Variants in CYP7B1 observed in about 807,000 individuals in gnomAD.
The protein encoded by CYP7B1 is cytochrome P450 7B1.
In CYP7B1, 29 loss-of-function variants were observed where a neutral mutation model predicts 42.7. That is an observed-to-expected ratio of 0.68 (90% confidence interval 0.51 to 0.93). The LOEUF (loss-of-function observed/expected upper bound fraction) is 0.93. Ranked by LOEUF, CYP7B1 falls within the 40% of genes least tolerant of loss-of-function variation. CYP7B1 has a pLI of 0.00. For synonymous variants in CYP7B1, 235 were observed against 218.2 expected (o/e 1.08, Z -0.68); for missense variants, 655 against 600.5 (o/e 1.09, Z -0.95).
chr8:64,682,719 T>C (rs566971549), intron 1 of CYP7B1, among the ~76,000 whole-genome samples: 5 of 152,342 alleles, frequency 3.3e-5, no homozygotes, highest in African/African-American at 1.2e-4. Flanking sequence ...CTGTCCAGGC[T>C]AGTTGCAACA....
At chr8:64,747,078 C>A (rs890578719) in intron 1 of CYP7B1, among the ~76,000 whole-genome samples, 1 of 150,390 alleles carries the variant, frequency 6.6e-6, no homozygotes, top group African/African-American at 2.4e-5. Context: ...ATTATAAATT[C>A]ATTGTGAATT....
At chr8:64,732,206 C>A (rs1807421820) in intron 1 of CYP7B1, among the ~76,000 whole-genome samples, 1 of 152,172 alleles carries the variant, frequency 6.6e-6, no homozygotes, top group Non-Finnish European at 1.5e-5. Context: ...TCAAGGCAAG[C>A]CTGTGAAAGC....
At chr8:64,600,133 G>A (rs537859278) in intron 5 of CYP7B1, among the ~76,000 whole-genome samples, 2 of 152,324 alleles carry the variant, frequency 1.3e-5, no homozygotes, top group South Asian at 2.1e-4. Flanking sequence ...AATATGTAGA[G>A]TATGATGAGT....
chr8:64,722,938 A>G (rs1281258006), intron 1 of CYP7B1, among the ~76,000 whole-genome samples: 3 of 152,148 alleles, frequency 2.0e-5, no homozygotes, highest in Non-Finnish European at 4.4e-5. Flanking sequence ...GCCCACATTC[A>G]AATCTGTAGC....
rs1467657190 is a variant in CYP7B1 at position 64,685,806 on chromosome 8, G to A, written c.123-61267C>T. ...GGTCAGCCCCCCCGCCCGGCCAGCC[G>A]TGCCATCCGGGAGGGAGGTGGGGGG... is the stretch of plus-strand genomic sequence containing the variant. On this transcript the variant is annotated intron_variant, in intron 1 of 5. Coordinates refer to ENST00000310193, the MANE Select transcript of CYP7B1 (RefSeq NM_004820.5). Among the ~76,000 whole-genome samples, 9 of 47,416 alleles carry A rather than the reference G, an allele frequency of 1.9e-4. 3 individuals carry two copies. Among genetic ancestry groups the A allele is most frequent in the Non-Finnish European group, 4.7e-4 (9 of 18,956 alleles). 31.1% of individuals were successfully genotyped at this position (47,416 alleles called of 152,430 possible).
Position 64,593,342 on chromosome 8 carries a change from T to C in CYP7B1, c.*3300A>G, listed in dbSNP as rs1805067419. On this transcript the variant is annotated 3_prime_UTR_variant, in exon 6 of 6. Coordinates refer to ENST00000310193, the MANE Select transcript of CYP7B1 (RefSeq NM_004820.5). ...TTGCAAAGACAACATACTCAATAGG[T>C]GAACTAGAAAGAAACTGTGCTCCAC... 6.7e-6 allele frequency among the ~76,000 whole-genome samples: 1 copy of C among 148,980 alleles called. No homozygotes were observed. The highest frequency in any genetic ancestry group is 1.5e-5 in the Non-Finnish European group (1 of 67,470).
At chr8:64,606,641 T>C (rs1278473158) in intron 4 of CYP7B1, among the ~76,000 whole-genome samples, 1 of 152,204 alleles carries the variant, frequency 6.6e-6, no homozygotes, top group Non-Finnish European at 1.5e-5. Context: ...GGCAAGCATA[T>C]CTTATGTAGA....
intron 2 of CYP7B1, among the ~76,000 whole-genome samples, chr8:64,622,805 T>C (rs189408462): frequency 4.3e-4 from 65 of 152,254 alleles, no homozygotes; most frequent in Non-Finnish European, 7.3e-4. Context: ...TGAACATTCT[T>C]TGAAATTGGA....
intron 1 of CYP7B1, among the ~76,000 whole-genome samples, chr8:64,786,111 A>G (rs1195626972): frequency 6.6e-6 from 1 of 152,124 alleles, no homozygotes; most frequent in Non-Finnish European, 1.5e-5. Flanking sequence ...GGGAACCACA[A>G]TTCAAGATGA....
At chr8:64,765,955 C>T (rs1807967133) in intron 1 of CYP7B1, among the ~76,000 whole-genome samples, 1 of 152,148 alleles carries the variant, frequency 6.6e-6, no homozygotes, top group African/African-American at 2.4e-5. Flanking sequence ...TGACTTGGAG[C>T]CATATATTGT....
chr8:64,747,011 T>G (rs932335424), intron 1 of CYP7B1, among the ~76,000 whole-genome samples: 1 of 151,512 alleles, frequency 6.6e-6, no homozygotes, highest in Non-Finnish European at 1.5e-5. Context: ...TGTAAGTTAC[T>G]ATTATGGAGT....
rs1015530410 is a variant in CYP7B1 at position 64,798,475 on chromosome 8, C to G, written c.113G>C (p.Arg38Pro). 2.6e-5 allele frequency: 40 copies of G among 1,512,318 alleles called. No individual in the cohort carries two copies. Among genetic ancestry groups the G allele is most frequent in the Middle Eastern group, 2.2e-4 (1 of 4,542 alleles). The allele number at this position is 1,512,318 out of a possible 1,614,324, so 93.7% of individuals were successfully genotyped here. Residue 38 changes from arginine (R) to proline (P), a missense_variant, in exon 1 of 6, where the codon CGG becomes CCG. Physicochemically the swap from Arg to Pro is moderately radical, Grantham distance 103. Coordinates refer to ENST00000310193, the MANE Select transcript of CYP7B1 (RefSeq NM_004820.5). ...LLLLALCLLV[R>P]RTRRPGEPPL... ...CGGCCGAGGCGCTTACCTGGTGCGCCGGACAAGCAAGCAGAGGGCCAGGAG... is the reference window on the plus strand; with the variant it reads ...CGGCCGAGGCGCTTACCTGGTGCGCGGGACAAGCAAGCAGAGGGCCAGGAG...
chr8:64,722,782 A>T (rs62521112), intron 1 of CYP7B1, among the ~76,000 whole-genome samples: 32,815 of 67,496 alleles, frequency 0.49, 5,612 homozygotes, highest in African/African-American at 0.6. Flanking sequence ...TATTATTATT[A>T]TTTTGCCTTA....
rs149684650 is a variant in CYP7B1, at chr8:64,755,249, G to T, written c.122+43217C>A. Reference sequence around the variant, plus strand: ...CAGGGGAAACCAGCCAGTCCTCAAAGATTCCATGTAAGTGCTTCATATGAT... The same window carrying T: ...CAGGGGAAACCAGCCAGTCCTCAAATATTCCATGTAAGTGCTTCATATGAT... On this transcript the variant is annotated intron_variant, in intron 1 of 5. Coordinates refer to ENST00000310193, the MANE Select transcript of CYP7B1 (RefSeq NM_004820.5). 1.3e-3 allele frequency among the ~76,000 whole-genome samples: 192 copies of T among 152,234 alleles called. 2 individuals carry two copies. The highest frequency in any genetic ancestry group is 4.4e-3 in the African/African-American group (184 of 41,536).
At chr8:64,610,760 T>C (rs548182889) in intron 4 of CYP7B1, among the ~76,000 whole-genome samples, 1 of 152,240 alleles carries the variant, frequency 6.6e-6, no homozygotes. Context: ...TTATAAAAAA[T>C]ACTGGTCAAG....
chr8:64,732,054 ATG>A (rs1228836053), intron 1 of CYP7B1, among the ~76,000 whole-genome samples: 1 of 152,222 alleles, frequency 6.6e-6, no homozygotes, highest in Non-Finnish European at 1.5e-5. Context: ...CAGAAGGGAA[ATG>A]TGGAGTAGGA....
At chr8:64,587,326 C>G (rs1430832211), downstream of CYP7B1, among the ~76,000 whole-genome samples, 1 of 152,200 alleles carries the variant, frequency 6.6e-6, no homozygotes, top group Non-Finnish European at 1.5e-5. Flanking sequence ...TCCCCTGGGA[C>G]CGACGTTTCC....
chr8:64,646,931 A>G (rs1324076900), intron 1 of CYP7B1, among the ~76,000 whole-genome samples: 1 of 152,214 alleles, frequency 6.6e-6, no homozygotes, highest in African/African-American at 2.4e-5. Flanking sequence ...TTGCATTCAC[A>G]TCTTGGCTAA....
intron 4 of CYP7B1, among the ~76,000 whole-genome samples, chr8:64,609,765 G>T (rs2129630043): frequency 6.6e-6 from 1 of 152,232 alleles, no homozygotes; most frequent in Non-Finnish European, 1.5e-5. Context: ...ATATGCCAGA[G>T]ATTATCAGCA....
Sources: gnomAD v4.1 joint callset for allele counts (sites outside exome capture counted in the v4.1 genomes callset) on GRCh38, gnomAD v4.1.1 for gene constraint, MANE v1.5 for transcripts, NCBI Gene and HGNC (gene_info 2026-07-23, HGNC 2026-07-21) for gene names.